Variants in MICU1 observed in about 807,000 individuals in gnomAD.
MICU1 encodes the protein calcium uptake protein 1, mitochondrial.
A neutral mutation model predicts 56.8 loss-of-function variants in MICU1; 45 were observed. The ratio of observed to expected loss-of-function variants is 0.79; its 90% CI spans 0.62 to 1.02. The LOEUF (loss-of-function observed/expected upper bound fraction) is 1.02, where lower values mean the gene tolerates loss of function less well. Ranked by LOEUF, MICU1 falls within the 50% of genes least tolerant of loss-of-function variation. MICU1 has a pLI of 0.00. For missense variants in MICU1, 504 were observed against 587.1 expected (o/e 0.86, Z 1.46); for synonymous variants, 186 against 195.1 (o/e 0.95, Z 0.39).
At chr10:72,557,553 G>A (rs1226538612) in intron 3 of MICU1, among the ~76,000 whole-genome samples, 4 of 152,166 alleles carry the variant, frequency 2.6e-5, no homozygotes, top group Non-Finnish European at 5.9e-5. Flanking sequence ...AAAGTCTTGT[G>A]ACCAGAAGAC....
intron 3 of MICU1, among the ~76,000 whole-genome samples, chr10:72,555,010 A>T (rs2132451979): frequency 6.6e-6 from 1 of 152,252 alleles, no homozygotes; most frequent in African/African-American, 2.4e-5. Flanking sequence ...GAGAGACTCT[A>T]TCTCAAAACA....
At chr10:72,423,167 C>A (rs1455068864) in intron 9 of MICU1, 67 bp downstream of exon 9, 2 of 1,538,576 alleles carry the variant, frequency 1.3e-6, no homozygotes, top group African/African-American at 1.4e-5. Context: ...TATGTTAATA[C>A]CTTCATATTA....
At chr10:72,399,656 A>G (rs1188998920) in intron 10 of MICU1, among the ~76,000 whole-genome samples, 1 of 151,904 alleles carries the variant, frequency 6.6e-6, no homozygotes, top group African/African-American at 2.4e-5. Context: ...AAAAAATAAA[A>G]AATAAAAAAT....
At chr10:72,477,620 G>T in intron 6 of MICU1, 1 of 1,358,792 alleles carries the variant, frequency 7.4e-7, no homozygotes, top group African/African-American at 1.4e-5. Context: ...AAGAAAGTAT[G>T]TCTAGGGTGA....
intron 1 of MICU1, among the ~76,000 whole-genome samples, chr10:72,617,053 T>C (rs534252766): frequency 5.6e-4 from 85 of 152,348 alleles, no homozygotes; most frequent in African/African-American, 2.0e-3. Context: ...AGACAACCAC[T>C]GTTTTACACA....
At chr10:72,600,423 T>A (rs1261124952) in intron 1 of MICU1, among the ~76,000 whole-genome samples, 2 of 150,858 alleles carry the variant, frequency 1.3e-5, no homozygotes, top group African/African-American at 2.4e-5. Context: ...CCGAGGTGAG[T>A]GGATCACCTG....
At chr10:72,518,047 T>C (rs79584612) in intron 5 of MICU1, among the ~76,000 whole-genome samples, 2 of 151,562 alleles carry the variant, frequency 1.3e-5, no homozygotes, top group Admixed American at 6.6e-5. Context: ...TTTTTTTTTT[T>C]CCTGAGATGG....
intron 8 of MICU1, among the ~76,000 whole-genome samples, chr10:72,469,785 G>A (rs533344853): frequency 2.6e-5 from 4 of 152,266 alleles, no homozygotes; most frequent in Admixed American, 6.5e-5. Flanking sequence ...GAGGCTATAC[G>A]AGTGTAAGTT....
chr10:72,492,485 G>T (rs1340566392), intron 6 of MICU1, among the ~76,000 whole-genome samples: 3 of 152,100 alleles, frequency 2.0e-5, no homozygotes, highest in Non-Finnish European at 4.4e-5. Flanking sequence ...CATATGGGCT[G>T]GGCGTGGTGG....
chr10:72,476,084 G>A (rs1048779476), intron 7 of MICU1, among the ~76,000 whole-genome samples: 4 of 151,874 alleles, frequency 2.6e-5, no homozygotes, highest in East Asian at 1.9e-4. Flanking sequence ...AAAATTAGCC[G>A]GGTGTGGTGG....
intron 4 of MICU1, among the ~76,000 whole-genome samples, chr10:72,542,586 T>A (rs1358706212): frequency 6.6e-6 from 1 of 152,166 alleles, no homozygotes; most frequent in African/African-American, 2.4e-5. Context: ...CGCAGCAGCA[T>A]CTGGATGGGG....
intron 3 of MICU1, among the ~76,000 whole-genome samples, chr10:72,553,788 T>C (rs1399916266): frequency 1.3e-5 from 2 of 152,212 alleles, no homozygotes; most frequent in Non-Finnish European, 2.9e-5. Flanking sequence ...AGACTTAGTA[T>C]ACTCCCACAT....
At chr10:72,386,175 T>G (rs554416291) in intron 10 of MICU1, among the ~76,000 whole-genome samples, 1 of 152,212 alleles carries the variant, frequency 6.6e-6, no homozygotes, top group East Asian at 1.9e-4. Context: ...CATTTATGAT[T>G]GGGAATGTCT....
chr10:72,601,438 A>G (rs1372475119), intron 1 of MICU1, among the ~76,000 whole-genome samples: 1 of 151,102 alleles, frequency 6.6e-6, no homozygotes, highest in Non-Finnish European at 1.5e-5. Context: ...TAAAAAAAAA[A>G]AAAAAAAAAA....
intron 8 of MICU1, among the ~76,000 whole-genome samples, chr10:72,474,258 C>CAAAAAAAA (rs55978543): frequency 3.3e-4 from 20 of 60,728 alleles, no homozygotes; most frequent in East Asian, 6.1e-4. Flanking sequence ...AGGACTGTCT[C>CAAAAAAAA]AAAAAAAAAA....
At chr10:72,371,626 C>G (rs1006805255) in intron 11 of MICU1, among the ~76,000 whole-genome samples, 1 of 152,094 alleles carries the variant, frequency 6.6e-6, no homozygotes, top group Non-Finnish European at 1.5e-5. Context: ...CACCTGTAAT[C>G]CCACCTACTT....
In MICU1 at chr10:72,451,532, A is replaced by T. The variant is rs375785641; in HGVS notation, c.933+23568T>A. Reference sequence around the variant, plus strand: ...TTTGAAGAACTAGATGTAACACAGAAGATGAAGATAATCTTTTTTGTTGTT... The same window carrying T: ...TTTGAAGAACTAGATGTAACACAGATGATGAAGATAATCTTTTTTGTTGTT... On this transcript the variant is annotated intron_variant, in intron 8 of 11. Transcript: ENST00000361114. Among the ~76,000 whole-genome samples the T allele has an allele frequency of 8.5e-5, 13 of 152,252 alleles. No homozygotes were observed. In the East Asian group the frequency reaches 9.7e-4, roughly 11 times the overall value.
At chr10:72,594,925 C>CAAAAAAAAAAAAAAAAA (rs57504317) in intron 1 of MICU1, among the ~76,000 whole-genome samples, 4 of 50,706 alleles carry the variant, frequency 7.9e-5, no homozygotes, top group Admixed American at 2.0e-4. Context: ...AAGTACAATC[C>CAAAAAAAAAAAAAAAAA]AAAAAAAAAA....
At chr10:72,463,292 A>G (rs1422486889) in intron 8 of MICU1, among the ~76,000 whole-genome samples, 2 of 152,166 alleles carry the variant, frequency 1.3e-5, no homozygotes, top group East Asian at 1.9e-4. Flanking sequence ...CGAACTCCCA[A>G]CATCAGGTGA....
Sources: gnomAD v4.1 joint callset for allele counts (sites outside exome capture counted in the v4.1 genomes callset) on GRCh38, gnomAD v4.1.1 for gene constraint, MANE v1.5 for transcripts, NCBI Gene and HGNC (gene_info 2026-07-23, HGNC 2026-07-21) for gene names.